DMD: variants seen among roughly 807,000 people sequenced by gnomAD.
DMD encodes the protein mutant dystrophin.
A neutral mutation model predicts 330.1 loss-of-function variants in DMD; 63 were observed. The ratio of observed to expected loss-of-function variants is 0.19; its 90% CI spans 0.16 to 0.24. DMD has a LOEUF of 0.24. DMD is among the 10% of genes least tolerant of loss of function. The pLI is 1.00. For synonymous variants in DMD, 1,223 were observed against 959.8 expected, an observed-to-expected ratio of 1.27 and a Z score of -5.07; for missense variants, 3,344 against 2,684.1, an observed-to-expected ratio of 1.25 and a Z score of -5.43.
At chrX:31,217,975 C>T (rs1015117349) in intron 64 of DMD, among the ~76,000 whole-genome samples, 6 of 111,781 alleles carry the variant, frequency 5.4e-5, no homozygotes, top group East Asian at 2.8e-4. Flanking sequence ...ATTCTACATT[C>T]GGAGCTTACC....
At chrX:32,423,227 CT>C (rs61191281) in intron 29 of DMD, among the ~76,000 whole-genome samples, 3,945 of 92,278 alleles carry the variant, frequency 0.043, 167 homozygotes, top group African/African-American at 0.13. Context: ...CTTTATTATT[CT>C]TTTTTTTTTT....
At chrX:31,223,386 C>T (rs1873221280) in intron 63 of DMD, among the ~76,000 whole-genome samples, 1 of 112,208 alleles carries the variant, frequency 8.9e-6, no homozygotes, top group Non-Finnish European at 1.9e-5. Flanking sequence ...TTCATGTAGT[C>T]CTGTTCCCAA....
chrX:32,190,578 A>ATATATATATATATG (rs2096970330), intron 44 of DMD, among the ~76,000 whole-genome samples: 1 of 93,766 alleles, frequency 1.1e-5, no homozygotes, highest in Non-Finnish European at 2.1e-5. Context: ...ATATATATAT[A>ATATATATATATATG]TATATATTTC....
At chrX:31,885,611 C>CAAAAAAAAAAAAAAAAAA (rs762289533) in intron 47 of DMD, among the ~76,000 whole-genome samples, 2 of 52,341 alleles carry the variant, frequency 3.8e-5, no homozygotes, top group African/African-American at 7.8e-5. Flanking sequence ...CTCCGTCTCA[C>CAAAAAAAAAAAAAAAAAA]AAAAAAAAAA....
intron 44 of DMD, among the ~76,000 whole-genome samples, chrX:32,140,267 C>T (rs185114274): frequency 2.0e-3 from 227 of 112,139 alleles, no homozygotes; most frequent in African/African-American, 6.2e-3. Flanking sequence ...AGATGTTTAA[C>T]TAAAGTGATT....
At chrX:33,007,077 T>G (rs988743438) in intron 2 of DMD, among the ~76,000 whole-genome samples, 1 of 110,743 alleles carries the variant, frequency 9.0e-6, no homozygotes, top group Non-Finnish European at 1.9e-5. Context: ...TACATTATCC[T>G]CTAACTCATC....
chrX:31,355,869 AT>A lies in DMD; in HGVS notation c.9085-7236del, dbSNP rs1302315603. Among the ~76,000 whole-genome samples, 299 of 102,782 alleles carry A rather than the reference AT, an allele frequency of 2.9e-3. 8 individuals carry two copies. Among genetic ancestry groups the A allele is most frequent in the East Asian group, 0.014 (44 of 3,108 alleles). The allele number at this position is 102,782 out of a possible 115,157, so 89.3% of individuals were successfully genotyped here. On this transcript the variant is annotated intron_variant, in intron 60 of 78. Transcript: ENST00000357033. ...CTTTTGAGTTGTAACTGAAAAAATA[AT>A]AAAAAAAAAAAAAGTCTGAGATAAG...
intron 7 of DMD, among the ~76,000 whole-genome samples, chrX:32,729,313 A>C (rs1399020958): frequency 1.8e-5 from 2 of 112,286 alleles, no homozygotes; most frequent in African/African-American, 6.5e-5. Flanking sequence ...AGGGATACTC[A>C]ACATATATTT....
chrX:32,806,990 G>A (rs1253740198), intron 7 of DMD, among the ~76,000 whole-genome samples: 1 of 108,735 alleles, frequency 9.2e-6, no homozygotes, highest in African/African-American at 3.4e-5. Context: ...AGGAGAAAGC[G>A]GGAAAGATCT....
At chrX:32,840,919 A>G (rs1459443705) in intron 4 of DMD, among the ~76,000 whole-genome samples, 1 of 111,900 alleles carries the variant, frequency 8.9e-6, no homozygotes, top group Non-Finnish European at 1.9e-5. Context: ...GTATGTCTAC[A>G]ATAGAATTGC....
intron 76 of DMD, among the ~76,000 whole-genome samples, chrX:31,138,122 TTGAC>T (rs2035491792): frequency 9.0e-6 from 1 of 111,580 alleles, no homozygotes; most frequent in Admixed American, 9.5e-5. Flanking sequence ...TAGAATGTCT[TTGAC>T]TGGTTGGGGT....
At chrX:32,223,382 C>G (rs1328196444) in intron 43 of DMD, among the ~76,000 whole-genome samples, 2 of 111,797 alleles carry the variant, frequency 1.8e-5, no homozygotes, top group African/African-American at 3.3e-5. Flanking sequence ...CACCCTACCT[C>G]TTAGTACTAG....
intron 1 of DMD, among the ~76,000 whole-genome samples, chrX:33,161,120 A>G (rs2048751345): frequency 9.0e-6 from 1 of 111,246 alleles, no homozygotes; most frequent in African/African-American, 3.3e-5. Context: ...TACTGTCCCA[A>G]TCCTACAGAT....
chrX:31,487,261 A>C, intron 57 of DMD, among the ~76,000 whole-genome samples: 1 of 101,093 alleles, frequency 9.9e-6, no homozygotes, highest in Middle Eastern at 5.2e-3. Context: ...CTGTTAACAC[A>C]TTTTTTTTTT....
intron 55 of DMD, among the ~76,000 whole-genome samples, chrX:31,574,545 T>C (rs2076003089): frequency 9.0e-6 from 1 of 111,548 alleles, no homozygotes; most frequent in South Asian, 3.7e-4. Flanking sequence ...AAAAGCTAGG[T>C]AATTTGTCCA....
intron 43 of DMD, among the ~76,000 whole-genome samples, chrX:32,272,197 C>A (rs915607611): frequency 1.8e-5 from 2 of 111,664 alleles, no homozygotes; most frequent in Non-Finnish European, 3.8e-5. Flanking sequence ...ACAGAGAGTT[C>A]TATGAATCCA....
At chrX:31,879,734 G>A (rs1449024301) in intron 47 of DMD, among the ~76,000 whole-genome samples, 2 of 111,506 alleles carry the variant, frequency 1.8e-5, no homozygotes, top group Non-Finnish European at 3.8e-5. Flanking sequence ...TCCAGGAATC[G>A]AGAGTATTCC....
chrX:32,743,048 T>A (rs1213935833), intron 7 of DMD, among the ~76,000 whole-genome samples: 1 of 111,280 alleles, frequency 9.0e-6, no homozygotes, highest in Non-Finnish European at 1.9e-5. Context: ...CAGTGGACAT[T>A]GTTCCAACTT....
intron 19 of DMD, among the ~76,000 whole-genome samples, chrX:32,493,242 A>C (rs1206058931): frequency 8.9e-6 from 1 of 111,817 alleles, no homozygotes; most frequent in Non-Finnish European, 1.9e-5. Flanking sequence ...ATGCTGCCAA[A>C]CCATGTCCCT....
Sources: gnomAD v4.1 joint callset for allele counts (sites outside exome capture counted in the v4.1 genomes callset) on GRCh38, gnomAD v4.1.1 for gene constraint, MANE v1.5 for transcripts, NCBI Gene and HGNC (gene_info 2026-07-23, HGNC 2026-07-21) for gene names.